The following SDHA variants were observed in gnomAD, a reference collection of about 807,000 sequenced individuals.
SDHA encodes succinate dehydrogenase complex flavoprotein subunit A, also known as succinate dehydrogenase [ubiquinone] flavoprotein subunit, mitochondrial.
SDHA carries 48 observed loss-of-function variants against 78.4 expected under a neutral mutation model. The ratio of observed to expected loss-of-function variants is 0.61; its 90% confidence interval spans 0.49 to 0.78. SDHA has a LOEUF of 0.78. Ranked by LOEUF, SDHA falls within the 30% of genes least tolerant of loss-of-function variation. SDHA has a pLI of 0.00. For synonymous variants in SDHA, 326 were observed against 353.9 expected (o/e 0.92, Z 0.88); for missense variants, 680 against 892.7 (o/e 0.76, Z 3.04).
the SDHA span, among the ~76,000 whole-genome samples, chr5:266,917 C>T: frequency 7.6e-4 from 93 of 122,236 alleles, 1 homozygote; most frequent in Middle Eastern, 4.4e-3. Flanking sequence ...ACACGGTGGC[C>T]GCTGTGTCTA....
intron 10 of SDHA, among the ~76,000 whole-genome samples, chr5:238,848 C>G (rs1360024310): frequency 6.6e-6 from 1 of 151,736 alleles, no homozygotes; most frequent in Admixed American, 6.6e-5. Context: ...GTAGTCCCAG[C>G]TACTTGGGAG....
intron 5 of SDHA, 63 bp from the exon 6 acceptor site, chr5:228,122 A>C: frequency 1.9e-6 from 3 of 1,539,446 alleles, no homozygotes; most frequent in Non-Finnish European, 2.7e-6. Flanking sequence ...ATGAGCAGAT[A>C]CCACCTTAAA....
chr5:265,676 C>T, the SDHA span, among the ~76,000 whole-genome samples: 14,599 of 152,118 alleles, frequency 0.096, 2,273 homozygotes, highest in African/African-American at 0.33. Flanking sequence ...AAACATTAGC[C>T]AGGCATGATG....
intron 7 of SDHA, 128 bp from the exon 8 acceptor site, chr5:233,349 A>T: frequency 1.1e-6 from 1 of 931,760 alleles, no homozygotes; most frequent in South Asian, 1.3e-5. Flanking sequence ...CTTGCTGTGC[A>T]GTTTTGCACA....
At chr5:228,050 A>G in intron 5 of SDHA, 135 bp from the exon 6 acceptor site, 2 of 849,288 alleles carry the variant, frequency 2.4e-6, no homozygotes, top group Non-Finnish European at 3.9e-6. Flanking sequence ...TGTCACTGAC[A>G]CTGTTGCTGA....
chr5:240,342 CTTTTT>C lies in SDHA; in HGVS notation c.1433-12_1433-8del. On this transcript the variant is annotated splice_polypyrimidine_tract_variant and intron_variant, in intron 10 of 14. Coordinates refer to ENST00000264932, the MANE Select transcript of SDHA (RefSeq NM_004168.4). ...ACGGTTTTCAAAAGTTAAATTCTAG[CTTTTT>C]TTTGTTTTAGGAGATAAAGTCCCTC... 1 of 1,502,590 alleles carries C rather than the reference CTTTTT, an allele frequency of 6.7e-7. No homozygotes were observed. Among genetic ancestry groups the C allele is most frequent in the Non-Finnish European group, 9.3e-7 (1 of 1,080,730 alleles). The allele number at this position is 1,502,590 out of a possible 1,614,324, so 93.1% of individuals were successfully genotyped here.
chr5:261,774 C>A (rs371052624), downstream of SDHA, among the ~76,000 whole-genome samples: 27 of 11,186 alleles, frequency 2.4e-3, 2 homozygotes, highest in East Asian at 0.013. Context: ...CCGCCCCCCG[C>A]CAGAGCATTA....
intron 2 of SDHA, among the ~76,000 whole-genome samples, chr5:223,807 A>T (rs2126540680): frequency 6.6e-6 from 1 of 152,094 alleles, no homozygotes; most frequent in Admixed American, 6.5e-5. Context: ...TTAAATTTAG[A>T]TCAAGTAAAG....
chr5:237,766 C>T (rs1405012850), intron 10 of SDHA, among the ~76,000 whole-genome samples: 1 of 136,588 alleles, frequency 7.3e-6, no homozygotes, highest in Non-Finnish European at 1.5e-5. Flanking sequence ...AACGTGCCCC[C>T]TTTTGTATCT....
At chr5:239,670 G>A (rs1225874437) in intron 10 of SDHA, among the ~76,000 whole-genome samples, 1 of 152,134 alleles carries the variant, frequency 6.6e-6, no homozygotes, top group African/African-American at 2.4e-5. Context: ...CTGATGTGAA[G>A]GGTGGCCGGC....
chr5:262,043 C>T (rs1190643744), downstream of SDHA, among the ~76,000 whole-genome samples: 15 of 2,378 alleles, frequency 6.3e-3, no homozygotes, highest in Admixed American at 0.011. Context: ...ACAGCATTAC[C>T]GTGTGAGCTC....
intron 11 of SDHA, among the ~76,000 whole-genome samples, chr5:241,257 C>T (rs796694966): frequency 9.2e-5 from 14 of 152,206 alleles, no homozygotes; most frequent in African/African-American, 2.9e-4. Flanking sequence ...ACTGCAGGAC[C>T]GCTGGAGAAG....
the SDHA span, among the ~76,000 whole-genome samples, chr5:264,353 T>C: frequency 1.3e-5 from 2 of 152,166 alleles, no homozygotes; most frequent in African/African-American, 2.4e-5. Context: ...ATTTGGAAGG[T>C]GGCCCTGAGC....
intron 6 of SDHA, among the ~76,000 whole-genome samples, chr5:229,847 C>CCAGAGTTAACAT (rs1735276718): frequency 1.7e-5 from 2 of 117,620 alleles, no homozygotes; most frequent in Non-Finnish European, 3.1e-5. Flanking sequence ...AGCATGCTGG[C>CCAGAGTTAACAT]TATCGTTAAC....
downstream of SDHA, among the ~76,000 whole-genome samples, chr5:259,594 T>C (rs1378965102): frequency 3.8e-5 from 1 of 26,186 alleles, no homozygotes. Flanking sequence ...GAGCTCCGCC[T>C]CCCGCCAGAG....
chr5:258,655 C>T (rs532309207), downstream of SDHA, among the ~76,000 whole-genome samples: 2 of 110,950 alleles, frequency 1.8e-5, no homozygotes, highest in Admixed American at 8.7e-5. Context: ...AGAGCATTAC[C>T]GTGTGAGCTC....
downstream of SDHA, among the ~76,000 whole-genome samples, chr5:261,806 A>G (rs371861401): frequency 4.6e-4 from 1 of 2,178 alleles, no homozygotes; most frequent in East Asian, 2.7e-3. Context: ...CCGCCCCCCG[A>G]CAGAGCATTA....
intron 11 of SDHA, among the ~76,000 whole-genome samples, chr5:240,726 T>G (rs1318382569): frequency 6.6e-6 from 1 of 152,150 alleles, no homozygotes; most frequent in Admixed American, 6.5e-5. Flanking sequence ...CCACTCCATG[T>G]GTCCATGTGT....
At chr5:265,169 G>T in the SDHA span, among the ~76,000 whole-genome samples, 1 of 152,184 alleles carries the variant, frequency 6.6e-6, no homozygotes, top group Non-Finnish European at 1.5e-5. Context: ...TTGTGCCACT[G>T]CACTCTAGCC....
Sources: allele counts gnomAD v4.1 joint callset (sites outside exome capture counted in the v4.1 genomes callset), GRCh38; gene constraint gnomAD v4.1.1; transcripts MANE v1.5; gene names NCBI Gene and HGNC (gene_info 2026-07-23, HGNC 2026-07-21).